SLC1A2: variants seen among roughly 807,000 people sequenced by gnomAD.
SLC1A2 encodes solute carrier family 1 member 2.
In SLC1A2, 15 loss-of-function variants were observed where a neutral mutation model predicts 48.8. The observed-to-expected ratio is 0.31, with a 90% confidence interval of 0.21 to 0.47. The LOEUF (loss-of-function observed/expected upper bound fraction) is 0.47. SLC1A2 is among the 20% of genes least tolerant of loss of function. The pLI, the probability that SLC1A2 is intolerant of heterozygous loss-of-function variation, is 0.99. For missense variants in SLC1A2, 502 were observed against 730.5 expected (o/e 0.69, Z 3.61); for synonymous variants, 279 against 272.6 (o/e 1.02, Z -0.23).
At chr11:35,311,897 G>GAGAGAGAGAGAGA (rs1565233384) in intron 4 of SLC1A2, among the ~76,000 whole-genome samples, 18 of 25,722 alleles carry the variant, frequency 7.0e-4, no homozygotes, top group East Asian at 5.7e-3. Context: ...AGAGAGGGAG[G>GAGAGAGAGAGAGA]GAGAGAGAGA....
At position 35,260,874 on chromosome 11, in the gene SLC1A2, A is replaced by C. The variant is rs1438576416; in HGVS notation, c.*20T>G. ...GATACGCTGGGGAGTTTATTCAAGA[A>C]TTTGCTGAGACTCATATCCTTATTT... is the stretch of plus-strand genomic sequence containing the variant. On this transcript the variant is annotated 3_prime_UTR_variant, in exon 11 of 11. Transcript: ENST00000278379. 3.9e-5 allele frequency: 62 copies of C among 1,578,818 alleles called. No individual in the cohort carries two copies. The highest frequency in any genetic ancestry group is 4.4e-5 in the Non-Finnish European group (51 of 1,148,006).
chr11:35,321,306 A>G (rs976997772), intron 1 of SLC1A2, among the ~76,000 whole-genome samples: 8 of 152,166 alleles, frequency 5.3e-5, no homozygotes, highest in African/African-American at 1.9e-4. Flanking sequence ...AACCACATCA[A>G]GGGTGGAGGA....
In SLC1A2 at chr11:35,398,902, A is replaced by G. The variant is rs148269148; in HGVS notation, c.17+20048T>C. On this transcript the variant is annotated intron_variant, in intron 1 of 10. Coordinates refer to ENST00000278379, the MANE Select transcript of SLC1A2 (RefSeq NM_004171.4). Reference sequence around the variant, plus strand: ...GGCAATGTGAGGAGGCTTAGCCTCCACTCCATTTACTCAGCTCTGGTGCTG... The same window carrying G: ...GGCAATGTGAGGAGGCTTAGCCTCCGCTCCATTTACTCAGCTCTGGTGCTG... 4.0e-3 allele frequency among the ~76,000 whole-genome samples: 605 copies of G among 152,326 alleles called. 3 individuals are homozygous for G. The highest frequency in any genetic ancestry group is 0.014 in the African/African-American group (586 of 41,568).
intron 5 of SLC1A2, among the ~76,000 whole-genome samples, chr11:35,301,963 A>AC (rs1334261636): frequency 1.3e-5 from 2 of 152,240 alleles, no homozygotes; most frequent in Non-Finnish European, 2.9e-5. Context: ...ATCATGTGTA[A>AC]GCAGATTCCT....
intron 1 of SLC1A2, among the ~76,000 whole-genome samples, chr11:35,362,991 C>T (rs1284610460): frequency 6.6e-6 from 1 of 152,198 alleles, no homozygotes; most frequent in African/African-American, 2.4e-5. Flanking sequence ...GGTAGCACTA[C>T]TATTATTCCT....
intron 5 of SLC1A2, among the ~76,000 whole-genome samples, chr11:35,305,840 C>T (rs138389753): frequency 2.6e-5 from 4 of 152,326 alleles, no homozygotes; most frequent in African/African-American, 9.6e-5. Context: ...TGAGCTCCCT[C>T]CTTTTTTCCC....
At chr11:35,386,114 C>T (rs901335475) in intron 1 of SLC1A2, among the ~76,000 whole-genome samples, 2 of 151,846 alleles carry the variant, frequency 1.3e-5, no homozygotes, top group Non-Finnish European at 2.9e-5. Context: ...TGCAGTGAGC[C>T]GAGATGGCGC....
chr11:35,377,623 C>A lies in SLC1A2; in HGVS notation c.17+41327G>T, dbSNP rs911651920. On this transcript the variant is annotated intron_variant, in intron 1 of 10. Coordinates refer to ENST00000278379, the MANE Select transcript of SLC1A2 (RefSeq NM_004171.4). ...GAGGTCTGTGCTCTCTTCATTCATT[C>A]TATTTCCAAGGAAGACTCGCAAGAT... Among the ~76,000 whole-genome samples, 3 of 152,120 alleles carry A rather than the reference C, an allele frequency of 2.0e-5. No homozygotes were observed. The East Asian group carries it at 5.8e-4, about 29-fold the overall frequency.
chr11:35,393,749 TC>T (rs913694829), intron 1 of SLC1A2, among the ~76,000 whole-genome samples: 9 of 151,960 alleles, frequency 5.9e-5, no homozygotes, highest in Admixed American at 3.9e-4. Flanking sequence ...GATTTTTGTC[TC>T]CCCCCATCCC....
intron 5 of SLC1A2, among the ~76,000 whole-genome samples, chr11:35,303,804 G>T (rs1349024807): frequency 4.4e-5 from 3 of 68,120 alleles, no homozygotes; most frequent in Non-Finnish European, 1.2e-4. Context: ...GGAGAGAAAT[G>T]GTTCCTTAAA....
At chr11:35,393,018 C>G (rs151164834) in intron 1 of SLC1A2, among the ~76,000 whole-genome samples, 1 of 152,318 alleles carries the variant, frequency 6.6e-6, no homozygotes, top group East Asian at 1.9e-4. Flanking sequence ...TAGGTGCTAT[C>G]ATACCTACTT....
chr11:35,315,194 C>T lies in SLC1A2; in HGVS notation c.158-19G>A. The T allele has an allele frequency of 6.2e-7, 1 of 1,607,876 alleles. No individual in the cohort carries two copies. The highest frequency in any genetic ancestry group is 8.5e-7 in the Non-Finnish European group (1 of 1,175,372). The stretch of plus-strand genomic sequence containing the variant: ...ATGACACCTAAAAGGAAGGGGAAAA[C>T]AATATGAATTTATTTTTTGCCTTCG... On this transcript the variant is annotated intron_variant, in intron 2 of 10. Coordinates refer to ENST00000278379, the MANE Select transcript of SLC1A2 (RefSeq NM_004171.4).
At chr11:35,414,214 TCAA>T (rs765603173) in intron 1 of SLC1A2, among the ~76,000 whole-genome samples, 8 of 152,072 alleles carry the variant, frequency 5.3e-5, no homozygotes, top group Non-Finnish European at 8.8e-5. Context: ...TAAATAAATA[TCAA>T]CACCATTGAG....
At position 35,257,209 on chromosome 11, in the gene SLC1A2, C is replaced by T. The variant is rs140377588; in HGVS notation, c.*3685G>A. The T allele has an allele frequency of 5.9e-5, 9 of 152,260 alleles. No homozygotes were observed. The East Asian group carries it at 1.5e-3, about 26-fold the overall frequency. The allele number at this position is 152,260 out of a possible 1,614,324, so 9.4% of individuals were successfully genotyped here. A position where few individuals can be genotyped will look rare whatever the true frequency, so the allele number is the denominator to read the frequency against. ...AAATGACCAGAGACCCTCTAATCAACAGGTCATTGAGATTCCTGGCATCAC... is the reference window on the plus strand; with the variant it reads ...AAATGACCAGAGACCCTCTAATCAATAGGTCATTGAGATTCCTGGCATCAC... On this transcript the variant is annotated 3_prime_UTR_variant, in exon 11 of 11. Transcript: ENST00000278379.
chr11:35,351,068 A>C (rs1017416517), intron 1 of SLC1A2, among the ~76,000 whole-genome samples: 1 of 152,236 alleles, frequency 6.6e-6, no homozygotes, highest in African/African-American at 2.4e-5. Flanking sequence ...ATAATATACT[A>C]ATGATGGCTA....
chr11:35,300,287 G>A (rs1384630536), intron 6 of SLC1A2, among the ~76,000 whole-genome samples: 4 of 152,228 alleles, frequency 2.6e-5, no homozygotes, highest in Non-Finnish European at 4.4e-5. Context: ...TTAGGTTGGT[G>A]CAAAAGTAAC....
Position 35,265,070 on chromosome 11 carries a change from T to C in SLC1A2, c.1653+457A>G, listed in dbSNP as rs34019360. 6.5e-3 allele frequency: 1,039 copies of C among 160,184 alleles called. 7 individuals carry two copies. Among genetic ancestry groups the C allele is most frequent in the Non-Finnish European group, 1.0e-2 (734 of 73,650 alleles). 9.9% of individuals were successfully genotyped at this position (160,184 alleles called of 1,614,324 possible). ...TTCACGCCATTCTCCCACCTCAGCC[T>C]CCTGACTAGCAGGAGGGCGCCCGCC... On this transcript the variant is annotated intron_variant, in intron 10 of 10. Transcript: ENST00000278379.
rs1591388236 is a variant in SLC1A2, at chr11:35,251,926, G to A, written c.*8968C>T. ...GTATTTAGCGATAATTATACAGAAT[G>A]TGTGTTTTAGGAGGCAACTGTAAAC... is the stretch of plus-strand genomic sequence containing the variant. On this transcript the variant is annotated 3_prime_UTR_variant, in exon 11 of 11. Transcript: ENST00000278379. 6.5e-6 allele frequency: 1 copy of A among 152,720 alleles called. No homozygotes were observed. Among genetic ancestry groups the A allele is most frequent in the Non-Finnish European group, 1.5e-5 (1 of 68,026 alleles). 9.5% of individuals were successfully genotyped at this position (152,720 alleles called of 1,614,324 possible).
At chr11:35,317,072 T>C (rs1365294639) in intron 2 of SLC1A2, 3 of 315,842 alleles carry the variant, frequency 9.5e-6, no homozygotes, top group Admixed American at 4.2e-5. Flanking sequence ...AATATGTAGA[T>C]TGCAGGACCT....
Sources: gnomAD v4.1 joint callset for allele counts (sites outside exome capture counted in the v4.1 genomes callset) on GRCh38, gnomAD v4.1.1 for gene constraint, MANE v1.5 for transcripts, NCBI Gene and HGNC (gene_info 2026-07-23, HGNC 2026-07-21) for gene names.